The following GLI2 variants were observed in gnomAD, a reference collection of about 807,000 sequenced individuals.
The protein encoded by GLI2 is GLI family zinc finger 2, also known as transcription activator GLI2.
In GLI2, 22 loss-of-function variants were observed where a neutral mutation model predicts 78.9. The observed-to-expected ratio is 0.28, with a 90% confidence interval of 0.20 to 0.40. GLI2 has a LOEUF of 0.40. GLI2 is among the 10% of genes least tolerant of loss of function. The pLI, the probability that GLI2 is intolerant of heterozygous loss-of-function variation, is 1.00. For synonymous variants in GLI2, 974 were observed against 963.7 expected, an observed-to-expected ratio of 1.01 and a Z score of -0.20; for missense variants, 2,097 against 2,213.2, an observed-to-expected ratio of 0.95 and a Z score of 1.05.
chr2:120,992,445 A>T lies in GLI2; in HGVS notation c.*1770A>T, dbSNP rs1266614836. 2 of 152,236 alleles carry T rather than the reference A, an allele frequency of 1.3e-5. No individual in the cohort carries two copies. Among genetic ancestry groups the T allele is most frequent in the African/African-American group, 2.4e-5 (1 of 41,462 alleles). 9.4% of individuals were successfully genotyped at this position (152,236 alleles called of 1,614,324 possible). A position where few individuals can be genotyped will look rare whatever the true frequency, so the allele number is the denominator to read the frequency against. On this transcript the variant is annotated 3_prime_UTR_variant, in exon 14 of 14. Transcript: ENST00000361492. ...TCTACATGCTATGAATTGAGATGAC[A>T]TGCTCAACTTGTAAATAAGTCTTTT...
chr2:120,954,316 G>T (rs547047668), intron 4 of GLI2, among the ~76,000 whole-genome samples: 4 of 152,314 alleles, frequency 2.6e-5, no homozygotes, highest in Non-Finnish European at 5.9e-5. Context: ...AGGAGTAGGG[G>T]AGGGAACTTG....
intron 1 of GLI2, among the ~76,000 whole-genome samples, chr2:120,776,101 C>T (rs142433842): frequency 9.2e-5 from 14 of 152,346 alleles, no homozygotes; most frequent in Middle Eastern, 3.4e-3. Context: ...CTCCTGAGCC[C>T]GGACCACCCC....
At chr2:120,812,085 T>C (rs1685272194) in intron 2 of GLI2, among the ~76,000 whole-genome samples, 1 of 152,184 alleles carries the variant, frequency 6.6e-6, no homozygotes, top group South Asian at 2.1e-4. Flanking sequence ...GGCCTCAGCC[T>C]TCCTTGAGAC....
intron 3 of GLI2, among the ~76,000 whole-genome samples, chr2:120,933,770 A>G (rs1680055504): frequency 6.6e-6 from 1 of 152,006 alleles, no homozygotes; most frequent in Non-Finnish European, 1.5e-5. Flanking sequence ...GGAATGTAGA[A>G]GTCCATGCTC....
chr2:120,938,278 A>G (rs1213114645), intron 3 of GLI2, among the ~76,000 whole-genome samples: 2 of 152,000 alleles, frequency 1.3e-5, no homozygotes, highest in East Asian at 3.9e-4. Context: ...TCCCCTCCCT[A>G]CCCTGCTCCA....
chr2:120,861,308 A>C (rs1687889885), intron 2 of GLI2, among the ~76,000 whole-genome samples: 1 of 152,174 alleles, frequency 6.6e-6, no homozygotes, highest in Admixed American at 6.5e-5. Context: ...GCTGACGTGA[A>C]TATGAAATAG....
At chr2:120,802,470 G>A (rs1172951727) in intron 2 of GLI2, among the ~76,000 whole-genome samples, 1 of 152,142 alleles carries the variant, frequency 6.6e-6, no homozygotes, top group Non-Finnish European at 1.5e-5. Context: ...ACACATTTTG[G>A]CCCAGAGGTT....
chr2:120,944,547 G>T (rs528428259), intron 3 of GLI2, among the ~76,000 whole-genome samples: 1 of 152,306 alleles, frequency 6.6e-6, no homozygotes, highest in East Asian at 1.9e-4. Flanking sequence ...GAGTCACCTT[G>T]GGGATCAGCT....
At chr2:120,838,381 T>A (rs1180168921) in intron 2 of GLI2, among the ~76,000 whole-genome samples, 2 of 152,234 alleles carry the variant, frequency 1.3e-5, no homozygotes, top group Non-Finnish European at 2.9e-5. Flanking sequence ...GATCTTTTAC[T>A]AGTTTTAAAT....
At chr2:120,870,446 G>A (rs550579858) in intron 2 of GLI2, among the ~76,000 whole-genome samples, 4 of 152,266 alleles carry the variant, frequency 2.6e-5, no homozygotes, top group East Asian at 3.9e-4. Flanking sequence ...TGGTGTCAAC[G>A]CCCTCATTTC....
chr2:120,934,694 T>C (rs1680110387), intron 3 of GLI2, among the ~76,000 whole-genome samples: 1 of 152,136 alleles, frequency 6.6e-6, no homozygotes, highest in Non-Finnish European at 1.5e-5. Context: ...ACCCAGGGCC[T>C]CCGGAGACAG....
Position 120,988,685 on chromosome 2 carries a change from A to G in GLI2, c.2720A>G (p.Glu907Gly). 1 of 1,300,876 alleles carries G rather than the reference A, an allele frequency of 7.7e-7. No homozygotes were observed. The highest frequency in any genetic ancestry group is 1.7e-5 in the South Asian group (1 of 57,450). 80.6% of individuals were successfully genotyped at this position (1,300,876 alleles called of 1,614,324 possible). A position where few individuals can be genotyped will look rare whatever the true frequency, so the allele number is the denominator to read the frequency against. Residue 907 changes from glutamate to glycine, a missense_variant, in exon 14 of 14, where the codon GAG (glutamate) becomes GGG (glycine). Transcript: ENST00000361492. Reference protein sequence around the residue: ...RTRLALLDAPERTLPAGCPRP... With the variant: ...RTRLALLDAPGRTLPAGCPRP... ...AGGCTGGCGCTGCTGGACGCGCCCGAGCGCACGCTGCCCGCCGGCTGCCCA... is the reference window on the plus strand; with the variant it reads ...AGGCTGGCGCTGCTGGACGCGCCCGGGCGCACGCTGCCCGCCGGCTGCCCA...
chr2:120,974,996 G>A lies in GLI2; in HGVS notation c.1204G>A (p.Glu402Lys). Residue 402 changes from glutamate (E) to lysine (K), a missense_variant, in exon 9 of 14, where the codon GAA (glutamate) becomes AAA (lysine). By Grantham distance (56) the Glu-to-Lys change is moderately conservative. Around this residue, in one of 5 missense-constraint regions of GLI2, gnomAD observed 578 missense variants for 612.0 expected, o/e 0.94. Transcript: ENST00000361492. ...CCAGGAGCAGCTGGCTGACCTCAAG[G>A]AAGATCTGGACAGGGATGACTGTAA... ...LTQEQLADLK[E>K]DLDRDDCKQE... The A allele has an allele frequency of 1.9e-6, 3 of 1,614,198 alleles. No individual in the cohort carries two copies. Among genetic ancestry groups the A allele is most frequent in the Non-Finnish European group, 2.5e-6 (3 of 1,180,028 alleles).
At chr2:120,865,517 C>T (rs978182820) in intron 2 of GLI2, among the ~76,000 whole-genome samples, 6 of 152,210 alleles carry the variant, frequency 3.9e-5, no homozygotes, top group Non-Finnish European at 7.3e-5. Context: ...TGTTTTCTTT[C>T]TGTGGCCTTT....
chr2:120,880,265 T>A (rs1397033773), intron 2 of GLI2, among the ~76,000 whole-genome samples: 1 of 152,194 alleles, frequency 6.6e-6, no homozygotes, highest in Admixed American at 6.5e-5. Context: ...TCTCTCTGTT[T>A]TACATGAATT....
intron 1 of GLI2, among the ~76,000 whole-genome samples, chr2:120,769,519 G>A (rs960270297): frequency 6.6e-6 from 1 of 152,216 alleles, no homozygotes. Flanking sequence ...CAGCTACTGG[G>A]GAGTTGTCCA....
chr2:120,827,576 A>G (rs955593919), intron 2 of GLI2, among the ~76,000 whole-genome samples: 2 of 152,202 alleles, frequency 1.3e-5, no homozygotes, highest in African/African-American at 4.8e-5. Context: ...CTGAAGAGAT[A>G]TTTGCACACC....
Position 120,808,773 on chromosome 2 carries a change from C to T in GLI2, c.148+11305C>T, listed in dbSNP as rs182959262. 3.9e-5 allele frequency among the ~76,000 whole-genome samples: 6 copies of T among 152,328 alleles called. No homozygotes were observed. In the South Asian group the frequency reaches 1.2e-3, roughly 32 times the overall value. On this transcript the variant is annotated intron_variant, in intron 2 of 13. Coordinates refer to ENST00000361492, the MANE Select transcript of GLI2 (RefSeq NM_001374353.1). ...GTGAAATGGGGGTGACAAGGCTCCC[C>T]TCAGCCAACTCTGTAGTGCAGGGTG...
intron 1 of GLI2, among the ~76,000 whole-genome samples, chr2:120,742,133 G>GCGTC (rs1160755443): frequency 6.6e-6 from 1 of 152,226 alleles, no homozygotes; most frequent in African/African-American, 2.4e-5. Context: ...ACTTTTGGTG[G>GCGTC]CGTCTGAAAC....
Sources: gnomAD v4.1 joint callset for allele counts (sites outside exome capture counted in the v4.1 genomes callset) on GRCh38, gnomAD v4.1.1 for gene constraint, gnomAD v4.1.1 regional missense constraint, MANE v1.5 for transcripts, NCBI Gene and HGNC (gene_info 2026-07-23, HGNC 2026-07-21) for gene names.